The following SFXN5 variants were observed in gnomAD, a reference collection of about 807,000 sequenced individuals.
SFXN5 encodes sideroflexin 5.
A neutral mutation model predicts 50.2 loss-of-function variants in SFXN5; 43 were observed. That is an observed-to-expected ratio of 0.86 (90% confidence interval 0.67 to 1.11). SFXN5 has a LOEUF of 1.11. Among genes scored for constraint, SFXN5 ranks in the 50% least tolerant of loss-of-function variants. The pLI is 0.00. For missense variants in SFXN5, 463 were observed against 454.1 expected (o/e 1.02, Z -0.18); for synonymous variants, 203 against 185.8 (o/e 1.09, Z -0.75).
At chr2:73,055,753 A>T (rs532371633) in intron 2 of SFXN5, among the ~76,000 whole-genome samples, 3 of 152,220 alleles carry the variant, frequency 2.0e-5, no homozygotes, top group Non-Finnish European at 4.4e-5. Context: ...AGTAGCTGGG[A>T]CTACAGACAC....
intron 3 of SFXN5, among the ~76,000 whole-genome samples, chr2:73,034,845 C>T (rs1678761083): frequency 6.6e-6 from 1 of 152,226 alleles, no homozygotes; most frequent in Non-Finnish European, 1.5e-5. Context: ...TCTTACCCCA[C>T]ACAATGCATC....
intron 10 of SFXN5, among the ~76,000 whole-genome samples, chr2:72,975,195 C>T (rs115658025): frequency 5.0e-4 from 76 of 152,280 alleles, no homozygotes; most frequent in African/African-American, 1.8e-3. Context: ...TTCTCACATC[C>T]GACCCATTGC....
chr2:72,995,824 G>A (rs1165686713), intron 9 of SFXN5, among the ~76,000 whole-genome samples: 1 of 152,178 alleles, frequency 6.6e-6, no homozygotes, highest in Non-Finnish European at 1.5e-5. Flanking sequence ...CAGAGGTTTT[G>A]TGACTTACAC....
intron 10 of SFXN5, among the ~76,000 whole-genome samples, chr2:72,977,851 G>A (rs1381802577): frequency 6.6e-6 from 1 of 151,984 alleles, no homozygotes; most frequent in East Asian, 1.9e-4. Context: ...GCACACGCCT[G>A]TAGTCCTAGC....
chr2:73,071,710 A>G lies in SFXN5; in HGVS notation c.-5T>C, dbSNP rs768851478. On this transcript the variant is annotated 5_prime_UTR_variant, in exon 1 of 14. Coordinates refer to ENST00000272433, the MANE Select transcript of SFXN5 (RefSeq NM_144579.3). Reference sequence around the variant, plus strand: ...TGTAGTCGCTGTATCCGCCATGGCCACTGACGCCCGCAATCTCCGGCCCTT... The same window carrying G: ...TGTAGTCGCTGTATCCGCCATGGCCGCTGACGCCCGCAATCTCCGGCCCTT... 9 of 1,611,320 alleles carry G rather than the reference A, an allele frequency of 5.6e-6. No homozygotes were observed. Among genetic ancestry groups the G allele is most frequent in the Non-Finnish European group, 6.8e-6 (8 of 1,179,424 alleles).
Position 72,961,054 on chromosome 2 carries a change from AC to A in SFXN5, c.945+76del. On this transcript the variant is annotated intron_variant, in intron 13 of 13. Coordinates refer to ENST00000272433, the MANE Select transcript of SFXN5 (RefSeq NM_144579.3). This position sits in a 1 kb window ranked among gnomAD's most constrained non-coding sequence, Gnocchi z 4.4. The stretch of plus-strand genomic sequence containing the variant: ...CCTAGCATGGCGCTAAGGAGTCGGC[AC>A]GGTATGAGTATTTGTTCAGAAATCA... 9.3e-7 allele frequency: 1 copy of A among 1,071,470 alleles called. No homozygotes were observed. Among genetic ancestry groups the A allele is most frequent in the Non-Finnish European group, 1.3e-6 (1 of 770,292 alleles). 66.4% of individuals were successfully genotyped at this position (1,071,470 alleles called of 1,614,324 possible).
chr2:73,004,727 G>A (rs919230094), intron 6 of SFXN5, among the ~76,000 whole-genome samples: 8 of 152,186 alleles, frequency 5.3e-5, no homozygotes, highest in Admixed American at 1.3e-4. Flanking sequence ...TGAGGCTGAG[G>A]CAGGGAAGCA....
At chr2:73,039,361 A>G (rs927254794) in intron 3 of SFXN5, among the ~76,000 whole-genome samples, 39 of 152,234 alleles carry the variant, frequency 2.6e-4, no homozygotes, top group Admixed American at 3.9e-4. Context: ...AAAGGAAAGT[A>G]TGCCAATGAA....
chr2:73,033,984 C>T (rs937812041), intron 3 of SFXN5, among the ~76,000 whole-genome samples: 2 of 152,184 alleles, frequency 1.3e-5, no homozygotes, highest in African/African-American at 4.8e-5. Context: ...AAATGCCAAT[C>T]GTGCCAAGTC....
At chr2:72,998,560 G>A (rs1455642361) in intron 9 of SFXN5, 1 of 205,936 alleles carries the variant, frequency 4.9e-6, no homozygotes, top group Middle Eastern at 1.9e-3. Flanking sequence ...GAGCTCAGGG[G>A]AGCAGGCACA....
intron 10 of SFXN5, among the ~76,000 whole-genome samples, chr2:72,983,384 C>T (rs887422491): frequency 4.6e-5 from 7 of 152,142 alleles, no homozygotes; most frequent in African/African-American, 7.2e-5. Flanking sequence ...CTGCTGGGGA[C>T]GGCACAGGAA....
At chr2:72,990,498 C>T (rs764983723) in intron 9 of SFXN5, among the ~76,000 whole-genome samples, 1 of 152,188 alleles carries the variant, frequency 6.6e-6, no homozygotes, top group East Asian at 1.9e-4. Flanking sequence ...GACACGCAGA[C>T]GGGCAGTAGC....
intron 3 of SFXN5, among the ~76,000 whole-genome samples, chr2:73,026,723 A>ATTTG (rs1677603311): frequency 1.3e-5 from 2 of 151,644 alleles, no homozygotes; most frequent in African/African-American, 4.8e-5. Context: ...TATTTTATTT[A>ATTTG]TTTATTTATT....
chr2:73,030,514 T>C (rs550825066), intron 3 of SFXN5, among the ~76,000 whole-genome samples: 1 of 152,292 alleles, frequency 6.6e-6, no homozygotes, highest in East Asian at 1.9e-4. Flanking sequence ...GAATATTTTA[T>C]AAAATGTCTC....
intron 2 of SFXN5, among the ~76,000 whole-genome samples, chr2:73,055,017 C>T (rs1192565304): frequency 3.3e-5 from 5 of 152,254 alleles, no homozygotes; most frequent in Admixed American, 6.5e-5. Flanking sequence ...TCCCACATTT[C>T]ATGTTACTGG....
At chr2:72,986,471 G>A (rs1298773029) in intron 10 of SFXN5, among the ~76,000 whole-genome samples, 1 of 152,154 alleles carries the variant, frequency 6.6e-6, no homozygotes, top group Non-Finnish European at 1.5e-5. Context: ...ATCAGGGTCA[G>A]GACCATGAGC....
intron 13 of SFXN5, among the ~76,000 whole-genome samples, chr2:72,959,789 C>G (rs539414850): frequency 4.9e-4 from 74 of 152,286 alleles, no homozygotes; most frequent in African/African-American, 1.7e-3. Context: ...ACTGCATTTA[C>G]GCAAGCCCCT....
intron 6 of SFXN5, chr2:73,019,984 A>G: frequency 2.3e-6 from 1 of 435,320 alleles, no homozygotes; most frequent in Non-Finnish European, 4.1e-6. Context: ...CAGTGGGGAC[A>G]GAAAACGTGC....
intron 10 of SFXN5, among the ~76,000 whole-genome samples, chr2:72,977,741 G>A (rs1446015357): frequency 4.6e-5 from 7 of 152,078 alleles, no homozygotes; most frequent in Non-Finnish European, 2.9e-5. Context: ...TTGGGAGGCC[G>A]ATGTGAGTGG....
Sources: gnomAD v4.1 joint callset for allele counts (sites outside exome capture counted in the v4.1 genomes callset) on GRCh38, gnomAD v4.1.1 for gene constraint, Gnocchi (gnomAD v3.1) non-coding constraint, MANE v1.5 for transcripts, NCBI Gene and HGNC (gene_info 2026-07-23, HGNC 2026-07-21) for gene names.